The following MCM6 variants were observed in gnomAD, a reference collection of about 807,000 sequenced individuals.
The protein encoded by MCM6 is minichromosome maintenance complex component 6, also known as DNA replication licensing factor MCM6.
A neutral mutation model predicts 94.3 loss-of-function variants in MCM6; 46 were observed. That is an observed-to-expected ratio of 0.49 (90% CI 0.39 to 0.62). The LOEUF (loss-of-function observed/expected upper bound fraction) is 0.62. Among genes scored for constraint, MCM6 ranks in the 20% least tolerant of loss-of-function variants. The probability of loss-of-function intolerance (pLI) is 0.00; values close to 1 mark genes in which losing one functional copy is unlikely to be tolerated. For synonymous variants in MCM6, 335 were observed against 351.9 expected (o/e 0.95, Z 0.54); for missense variants, 865 against 1,017.9 (o/e 0.85, Z 2.04).
At chr2:135,843,018 T>A (rs1679602836) in intron 16 of MCM6, among the ~76,000 whole-genome samples, 1 of 152,160 alleles carries the variant, frequency 6.6e-6, no homozygotes, top group Non-Finnish European at 1.5e-5. Flanking sequence ...GACAATTTTA[T>A]GAGGCTTCTG....
chr2:135,870,160 T>C, intron 3 of MCM6, 91 bp downstream of exon 3: 1 of 892,772 alleles, frequency 1.1e-6, no homozygotes, highest in Admixed American at 1.9e-5. Context: ...TAATAGCAGA[T>C]CAAGGCAACC....
At position 135,847,484 on chromosome 2, in the gene MCM6, A is replaced by G. The variant is rs553748385; in HGVS notation, c.2053+569T>C. Among the ~76,000 whole-genome samples the G allele has an allele frequency of 8.6e-5, 13 of 151,458 alleles. No individual in the cohort carries two copies. The South Asian group carries it at 2.8e-3, about 33-fold the overall frequency. On this transcript the variant is annotated intron_variant, in intron 14 of 16. Coordinates refer to ENST00000264156, the MANE Select transcript of MCM6 (RefSeq NM_005915.6). ...AAAATGTTTTCAATTCAGAAGCAAAACAACAATACAAATAAGGGTAAAACC... is the reference window on the plus strand; with the variant it reads ...AAAATGTTTTCAATTCAGAAGCAAAGCAACAATACAAATAAGGGTAAAACC...
At position 135,870,390 on chromosome 2, in the gene MCM6, TTA is replaced by T. The variant is rs750741778; in HGVS notation, c.255-31_255-30del. 3.3e-6 allele frequency: 5 copies of T among 1,517,054 alleles called. No individual in the cohort carries two copies. In the African/African-American group the frequency reaches 5.5e-5, roughly 17 times the overall value. 94.0% of individuals were successfully genotyped at this position (1,517,054 alleles called of 1,614,324 possible). A position where few individuals can be genotyped will look rare whatever the true frequency, so the allele number is the denominator to read the frequency against. ...AAAAACAAAAAAGTCAGCTGATACCTTAGAGGTTTACCAAGGCCTCCTTCCCT... is the reference window on the plus strand; with the variant it reads ...AAAAACAAAAAAGTCAGCTGATACCTGAGGTTTACCAAGGCCTCCTTCCCT... On this transcript the variant is annotated intron_variant, in intron 2 of 16. Transcript: ENST00000264156.
rs768713922 is a variant in MCM6, at chr2:135,865,181, A to AG, written c.928-19dup. Reference sequence around the variant, plus strand: ...CCCCCAAACTAATGGTAGAGAACAAAGGAAGAATCATTAGTATAGAAGCAG... The same window carrying AG: ...CCCCCAAACTAATGGTAGAGAACAAAGGGAAGAATCATTAGTATAGAAGCAG... On this transcript the variant is annotated intron_variant, in intron 6 of 16. Coordinates refer to ENST00000264156, the MANE Select transcript of MCM6 (RefSeq NM_005915.6). The AG allele has an allele frequency of 3.4e-6, 5 of 1,456,126 alleles. No homozygotes were observed. Among genetic ancestry groups the AG allele is most frequent in the Non-Finnish European group, 4.5e-6 (5 of 1,101,654 alleles). 90.2% of individuals were successfully genotyped at this position (1,456,126 alleles called of 1,614,324 possible).
rs747718471 is a variant in MCM6 at position 135,864,997 on chromosome 2, T to C, written c.1078+16A>G. On this transcript the variant is annotated intron_variant, in intron 7 of 16. Transcript: ENST00000264156. ...TTTGATTTCAAGTTTATGGTACAAA[T>C]GGATGGAATTCTTACCATGTATAGT... 7.3e-7 allele frequency: 1 copy of C among 1,376,638 alleles called. No individual in the cohort carries two copies. The highest frequency in any genetic ancestry group is 9.5e-7 in the Non-Finnish European group (1 of 1,052,948). 85.3% of individuals were successfully genotyped at this position (1,376,638 alleles called of 1,614,324 possible). A position where few individuals can be genotyped will look rare whatever the true frequency, so the allele number is the denominator to read the frequency against.
At chr2:135,856,975 AAC>A (rs1679902967) in intron 10 of MCM6, 92 bp from the exon 11 acceptor site, 1 of 1,143,562 alleles carries the variant, frequency 8.7e-7, no homozygotes, top group South Asian at 1.6e-5. Flanking sequence ...TAATTAACTA[AAC>A]ACAAACCAAA....
At chr2:135,866,797 T>C in intron 4 of MCM6, 69 bp from the exon 5 acceptor site, 1 of 1,303,830 alleles carries the variant, frequency 7.7e-7, no homozygotes, top group Non-Finnish European at 1.1e-6. Flanking sequence ...TAATCTAAAT[T>C]AAATACCACA....
At position 135,876,389 on chromosome 2, in the gene MCM6, C is replaced by T; in HGVS notation, c.-24G>A. On this transcript the variant is annotated 5_prime_UTR_variant, in exon 1 of 17. Transcript: ENST00000264156. ...ATATTTGCTTAGTGCCGAGGATTCG[C>T]CTGCGCCACGCTCGACCGCCACAAG... 6.4e-7 allele frequency: 1 copy of T among 1,570,882 alleles called. No homozygotes were observed. The highest frequency in any genetic ancestry group is 8.6e-7 in the Non-Finnish European group (1 of 1,161,178).
At chr2:135,847,925 C>T in intron 14 of MCM6, 128 bp downstream of exon 14, 1 of 620,232 alleles carries the variant, frequency 1.6e-6, no homozygotes, top group Non-Finnish European at 2.9e-6. Context: ...GAATAGAATT[C>T]AGTATCTGCT....
At chr2:135,868,552 C>G in intron 4 of MCM6, 59 bp downstream of exon 4, 1 of 1,552,638 alleles carries the variant, frequency 6.4e-7, no homozygotes. Flanking sequence ...ATTGCAAGGG[C>G]CTAGAAGTGA....
At position 135,840,894 on chromosome 2, in the gene MCM6, C is replaced by T; in HGVS notation, c.2407G>A (p.Glu803Lys). Residue 803 changes from glutamate (E) to lysine (K), a missense_variant, in exon 17 of 17, where the codon GAG (glutamate) becomes AAG (lysine). Around this residue, in one of 3 missense-constraint regions of MCM6, gnomAD observed 308 missense variants for 324.5 expected, o/e 0.95. Transcript: ENST00000264156. ...AGLKGSTEGSESYEEDPYLVV... is the reference protein window; with the variant it reads ...AGLKGSTEGSKSYEEDPYLVV... Reference sequence around the variant, plus strand: ...AAGTAGGGATCTTCTTCATAGCTCTCACTTCCCTCTGTGGAGCCTTTCAAT... The same window carrying T: ...AAGTAGGGATCTTCTTCATAGCTCTTACTTCCCTCTGTGGAGCCTTTCAAT... 5 of 1,614,208 alleles carry T rather than the reference C, an allele frequency of 3.1e-6. No homozygotes were observed. The highest frequency in any genetic ancestry group is 1.1e-5 in the South Asian group (1 of 91,080).
intron 8 of MCM6, 37 bp downstream of exon 8, chr2:135,862,570 A>G (rs748394087): frequency 3.7e-6 from 6 of 1,612,082 alleles, no homozygotes; most frequent in Admixed American, 1.7e-5. Flanking sequence ...AACTATGTAC[A>G]CTTTTTCCTG....
At chr2:135,851,642 C>T (rs1575360182) in intron 12 of MCM6, 79 bp from the exon 13 acceptor site, 2 of 1,279,510 alleles carry the variant, frequency 1.6e-6, no homozygotes, top group East Asian at 2.5e-5. Context: ...TAAGAGCCTT[C>T]CAGGTGGAAA....
rs1679545436 is a variant in MCM6 at position 135,840,244 on chromosome 2, G to C, written c.*591C>G. On this transcript the variant is annotated 3_prime_UTR_variant, in exon 17 of 17. Coordinates refer to ENST00000264156, the MANE Select transcript of MCM6 (RefSeq NM_005915.6). ...AACTTAAAAAAAAAAAAAAACAACT[G>C]GAATTAACCTTGGAAAGTCATCTCT... 1 of 147,556 alleles carries C rather than the reference G, an allele frequency of 6.8e-6. No individual in the cohort carries two copies. The allele number at this position is 147,556 out of a possible 1,614,324, so 9.1% of individuals were successfully genotyped here.
rs544116850 is a variant in MCM6 at position 135,852,927 on chromosome 2, CA to C, written c.1627-13del. On this transcript the variant is annotated splice_polypyrimidine_tract_variant and intron_variant, in intron 11 of 16. Coordinates refer to ENST00000264156, the MANE Select transcript of MCM6 (RefSeq NM_005915.6). ...GCATAATCTGTAACCTAATTCAAAA[CA>C]AAAAAATCACTTTGATAGTCACAGC... is the stretch of plus-strand genomic sequence containing the variant. 3.7e-4 allele frequency: 591 copies of C among 1,577,946 alleles called. No individual in the cohort carries two copies. Among genetic ancestry groups the C allele is most frequent in the Non-Finnish European group, 4.3e-4 (499 of 1,166,844 alleles).
intron 4 of MCM6, 118 bp downstream of exon 4, chr2:135,868,493 T>G (rs1680141324): frequency 5.0e-6 from 5 of 992,526 alleles, no homozygotes; most frequent in Admixed American, 2.4e-5. Context: ...GTCATTTTGA[T>G]GATGCTTAAC....
At chr2:135,859,024 G>A (rs1283127764) in intron 9 of MCM6, among the ~76,000 whole-genome samples, 1 of 152,042 alleles carries the variant, frequency 6.6e-6, no homozygotes, top group African/African-American at 2.4e-5. Context: ...TTGAGTAGCT[G>A]GGACCACAAG....
intron 16 of MCM6, among the ~76,000 whole-genome samples, chr2:135,842,299 C>T (rs1679587739): frequency 6.6e-6 from 1 of 152,130 alleles, no homozygotes. Flanking sequence ...TGTTCTTACA[C>T]CTCCCTACCC....
At chr2:135,860,275 G>A (rs1006483956) in intron 8 of MCM6, among the ~76,000 whole-genome samples, 25 of 151,896 alleles carry the variant, frequency 1.6e-4, no homozygotes, top group African/African-American at 5.8e-4. Context: ...TGGGACTACA[G>A]GCGCTCGCCA....
Sources: allele counts gnomAD v4.1 joint callset (sites outside exome capture counted in the v4.1 genomes callset), GRCh38; gene constraint gnomAD v4.1.1; regional missense constraint gnomAD v4.1.1; transcripts MANE v1.5; gene names NCBI Gene and HGNC (gene_info 2026-07-23, HGNC 2026-07-21).